The following SH3BP4 variants were observed in gnomAD, a reference collection of about 807,000 sequenced individuals.
The protein encoded by SH3BP4 is SH3 domain binding protein 4, also known as SH3 domain-binding protein 4.
A neutral mutation model predicts 65.5 loss-of-function variants in SH3BP4; 33 were observed. The ratio of observed to expected loss-of-function variants is 0.50; its 90% CI spans 0.38 to 0.67. The LOEUF (loss-of-function observed/expected upper bound fraction) is 0.67. Among genes scored for constraint, SH3BP4 ranks in the 30% least tolerant of loss-of-function variants. The probability of loss-of-function intolerance (pLI) is 0.00; values close to 1 mark genes in which losing one functional copy is unlikely to be tolerated. For synonymous variants in SH3BP4, 552 were observed against 545.5 expected (o/e 1.01, Z -0.17); for missense variants, 1,134 against 1,261.4 (o/e 0.90, Z 1.53).
At position 235,042,837 on chromosome 2, in the gene SH3BP4, C is replaced by T. The variant is rs758813200; in HGVS notation, c.2068C>T (p.Arg690Trp). ...CGGGATCGCCCTGCTCAGCGAGGAG[C>T]GGGTCAGGCTCCGGGGCCAGCTGTG... ...GDGIALLSEERVRLRGQLWTK... is the reference protein window; with the variant it reads ...GDGIALLSEEWVRLRGQLWTK... The change falls in exon 4 of 6, where the codon CGG becomes TGG. Residue 690 changes from arginine (R) to tryptophan (W), a missense_variant. By Grantham distance (101) the Arg-to-Trp change is moderately radical. Transcript: ENST00000392011. The surrounding 1 kb of genome is among the most constrained non-coding windows in gnomAD (Gnocchi z 7.3). 2.7e-5 allele frequency: 44 copies of T among 1,613,834 alleles called. 1 individual carries two copies. The South Asian group carries it at 3.7e-4, about 14-fold the overall frequency.
At position 235,041,903 on chromosome 2, in the gene SH3BP4, G is replaced by T; in HGVS notation, c.1134G>T (p.Leu378=). The change falls in exon 4 of 6, where the codon CTG becomes CTT. Residue 378 remains leucine, a synonymous_variant. Coordinates refer to ENST00000392011, the MANE Select transcript of SH3BP4 (RefSeq NM_014521.3). The surrounding 1 kb of genome is among the most constrained non-coding windows in gnomAD (Gnocchi z 6.0). ...SDRSCSISPV[L]EVKLSNLEVK... ...GGTCCTGCAGCATCAGCCCTGTGCT[G>T]GAGGTCAAGCTGAGCAACCTGGAGG... 1 of 1,613,516 alleles carries T rather than the reference G, an allele frequency of 6.2e-7. No individual in the cohort carries two copies. Among genetic ancestry groups the T allele is most frequent in the Non-Finnish European group, 8.5e-7 (1 of 1,179,772 alleles).
intron 1 of SH3BP4, among the ~76,000 whole-genome samples, chr2:234,990,218 T>A (rs981078656): frequency 1.3e-5 from 2 of 152,216 alleles, no homozygotes; most frequent in Non-Finnish European, 2.9e-5. Context: ...TGTATTTAGT[T>A]CTACTTTGTA....
rs1483666678 is a variant in SH3BP4, at chr2:234,976,670, G to A, written c.-206-18633G>A. 6.6e-6 allele frequency among the ~76,000 whole-genome samples: 1 copy of A among 152,166 alleles called. No individual in the cohort carries two copies. The highest frequency in any genetic ancestry group is 1.5e-5 in the Non-Finnish European group (1 of 68,038). ...GGTCACCATGGCAGGGATAAGTCAC[G>A]CTGATGGCATTGTGTGGCAAGAAGG... On this transcript the variant is annotated intron_variant, in intron 1 of 5. Coordinates refer to ENST00000392011, the MANE Select transcript of SH3BP4 (RefSeq NM_014521.3). This position sits in a 1 kb window ranked among gnomAD's most constrained non-coding sequence, Gnocchi z 4.7.
chr2:235,007,706 G>A (rs958197587), intron 2 of SH3BP4, among the ~76,000 whole-genome samples: 1 of 152,180 alleles, frequency 6.6e-6, no homozygotes, highest in Non-Finnish European at 1.5e-5. Flanking sequence ...GAGACCAGGC[G>A]TGCAGTGCTT....
chr2:235,013,821 G>C (rs907635914), intron 2 of SH3BP4, among the ~76,000 whole-genome samples: 2 of 152,186 alleles, frequency 1.3e-5, no homozygotes, highest in African/African-American at 2.4e-5. Context: ...TTGCCATCAA[G>C]AAATGCCTTT....
At position 235,046,909 on chromosome 2, in the gene SH3BP4, C is replaced by T. The variant is rs1022704516; in HGVS notation, c.2478+3662C>T. On this transcript the variant is annotated intron_variant, in intron 4 of 5. Transcript: ENST00000392011. The surrounding 1 kb of genome is among the most constrained non-coding windows in gnomAD (Gnocchi z 4.2). ...TGATAGAGTCCGTGTGTGAGGCATC[C>T]CCGTACCTCTGCCTGCCCCTTCCCA... 2.0e-5 allele frequency among the ~76,000 whole-genome samples: 3 copies of T among 152,124 alleles called. No individual in the cohort carries two copies. Among genetic ancestry groups the T allele is most frequent in the African/African-American group, 7.2e-5 (3 of 41,410 alleles).
intron 3 of SH3BP4, among the ~76,000 whole-genome samples, chr2:235,038,376 CAT>C (rs1177080438): frequency 0.09 from 1,074 of 11,958 alleles, 79 homozygotes; most frequent in Non-Finnish European, 0.12. Context: ...AATATATATA[CAT>C]ATATATATAT....
chr2:235,045,002 G>T lies in SH3BP4; in HGVS notation c.2478+1755G>T, dbSNP rs1695799652. ...ACAAACGCAGCAGGGAAGCCTCCGG[G>T]CCCCCATGTGGGGTCACCTGCAGGG... is the stretch of plus-strand genomic sequence containing the variant. On this transcript the variant is annotated intron_variant, in intron 4 of 5. Coordinates refer to ENST00000392011, the MANE Select transcript of SH3BP4 (RefSeq NM_014521.3). The surrounding 1 kb of genome is among the most constrained non-coding windows in gnomAD (Gnocchi z 4.3). Among the ~76,000 whole-genome samples, 2 of 152,182 alleles carry T rather than the reference G, an allele frequency of 1.3e-5. No homozygotes were observed. The highest frequency in any genetic ancestry group is 6.5e-5 in the Admixed American group (1 of 15,290).
chr2:235,041,169 G>A lies in SH3BP4; in HGVS notation c.400G>A (p.Glu134Lys), dbSNP rs749419277. ...MIDNLPDSPD[E>K]VAKELELLGG... ...TGATAATCTTCCAGACAGCCCAGAC[G>A]AGGTAGCCAAGGAGCTGGAGCTGCT... is the stretch of plus-strand genomic sequence containing the variant. Residue 134 changes from glutamate (E) to lysine (K), a missense_variant, in exon 4 of 6, where the codon GAG becomes AAG. Transcript: ENST00000392011. The surrounding 1 kb of genome is among the most constrained non-coding windows in gnomAD (Gnocchi z 6.0). 5.0e-6 allele frequency: 8 copies of A among 1,614,104 alleles called. No homozygotes were observed. The highest frequency in any genetic ancestry group is 3.3e-5 in the Admixed American group (2 of 59,998).
chr2:235,019,218 G>T (rs1694776358), intron 2 of SH3BP4, among the ~76,000 whole-genome samples: 1 of 152,144 alleles, frequency 6.6e-6, no homozygotes, highest in African/African-American at 2.4e-5. Context: ...GGTGGAGGGA[G>T]TGGAACCAGG....
rs147014275 is a variant in SH3BP4, at chr2:234,968,069, C to G, written c.-207+15899C>G. Among the ~76,000 whole-genome samples, 179 of 152,268 alleles carry G rather than the reference C, an allele frequency of 1.2e-3. 1 individual carries two copies. Among genetic ancestry groups the G allele is most frequent in the African/African-American group, 4.2e-3 (174 of 41,556 alleles). On this transcript the variant is annotated intron_variant, in intron 1 of 5. Transcript: ENST00000392011. ...GTCCACCTGGTTCCACCAACCAGTC[C>G]GTAGCTGATGGAATGAAGGGAGCAG...
rs1429878437 is a variant in SH3BP4, at chr2:235,046,754, A to G, written c.2478+3507A>G. Among the ~76,000 whole-genome samples the G allele has an allele frequency of 6.8e-6, 1 of 146,860 alleles. No individual in the cohort carries two copies. The highest frequency in any genetic ancestry group is 1.5e-5 in the Non-Finnish European group (1 of 67,714). The stretch of plus-strand genomic sequence containing the variant: ...ATGATGGATGAATGAATGAATGATG[A>G]ATGAATGAATGAATGAATGCAGGCC... On this transcript the variant is annotated intron_variant, in intron 4 of 5. Coordinates refer to ENST00000392011, the MANE Select transcript of SH3BP4 (RefSeq NM_014521.3). The surrounding 1 kb of genome is among the most constrained non-coding windows in gnomAD (Gnocchi z 4.2).
Position 235,041,157 on chromosome 2 carries a change from G to C in SH3BP4, c.388G>C (p.Asp130His), listed in dbSNP as rs746326442. 5 of 1,614,196 alleles carry C rather than the reference G, an allele frequency of 3.1e-6. No individual in the cohort carries two copies. In the Admixed American group the frequency reaches 8.3e-5, roughly 27 times the overall value. ...CAGCGGTATGATTGATAATCTTCCA[G>C]ACAGCCCAGACGAGGTAGCCAAGGA... The part of the protein sequence containing the change: ...SDSGMIDNLP[D>H]SPDEVAKELE... The change falls in exon 4 of 6, where the codon GAC becomes CAC. Residue 130 changes from aspartate (D) to histidine (H), a missense_variant. Coordinates refer to ENST00000392011, the MANE Select transcript of SH3BP4 (RefSeq NM_014521.3). The surrounding 1 kb of genome is among the most constrained non-coding windows in gnomAD (Gnocchi z 6.0).
At chr2:234,975,688 C>A (rs570398478) in intron 1 of SH3BP4, among the ~76,000 whole-genome samples, 1 of 152,064 alleles carries the variant, frequency 6.6e-6, no homozygotes, top group African/African-American at 2.4e-5. Context: ...CCAGCCTGAG[C>A]AACATGGTGA....
intron 4 of SH3BP4, among the ~76,000 whole-genome samples, chr2:235,044,144 C>T (rs988042199): frequency 6.6e-6 from 1 of 152,246 alleles, no homozygotes; most frequent in Non-Finnish European, 1.5e-5. Flanking sequence ...CCTTTGCTTC[C>T]TTGAAGCTTC....
intron 2 of SH3BP4, chr2:235,008,418 G>A (rs1694371562): frequency 6.6e-6 from 1 of 152,300 alleles, no homozygotes; most frequent in African/African-American, 2.4e-5. Flanking sequence ...GCCTACTCAG[G>A]AACCATGGCG....
intron 2 of SH3BP4, among the ~76,000 whole-genome samples, chr2:235,027,365 T>C (rs1695035063): frequency 7.4e-6 from 1 of 134,524 alleles, no homozygotes; most frequent in Admixed American, 7.4e-5. Flanking sequence ...CCCCGAAGGC[T>C]TCTCCACTAT....
intron 2 of SH3BP4, among the ~76,000 whole-genome samples, chr2:235,009,003 A>G (rs548878607): frequency 1.8e-4 from 28 of 152,308 alleles, no homozygotes; most frequent in Non-Finnish European, 4.0e-4. Flanking sequence ...GTGGACGGAC[A>G]GCTTGTGTTC....
intron 2 of SH3BP4, among the ~76,000 whole-genome samples, chr2:234,999,941 C>T (rs1202116717): frequency 2.6e-5 from 4 of 152,242 alleles, no homozygotes; most frequent in Non-Finnish European, 5.9e-5. Context: ...GCAGGACCTG[C>T]CCTTGGGCTG....
Sources: allele counts gnomAD v4.1 joint callset (sites outside exome capture counted in the v4.1 genomes callset), GRCh38; gene constraint gnomAD v4.1.1; non-coding constraint Gnocchi (gnomAD v3.1); transcripts MANE v1.5; gene names NCBI Gene and HGNC (gene_info 2026-07-23, HGNC 2026-07-21).